The following ADGRD1 variants were observed in gnomAD, a reference collection of about 807,000 sequenced individuals.
The protein encoded by ADGRD1 is G-protein coupled receptor 133.
A neutral mutation model predicts 113.4 loss-of-function variants in ADGRD1; 77 were observed. The ratio of observed to expected loss-of-function variants is 0.68; its 90% CI spans 0.57 to 0.82. The LOEUF (loss-of-function observed/expected upper bound fraction) is 0.82, where lower values mean the gene tolerates loss of function less well. ADGRD1 is among the 40% of genes least tolerant of loss of function. ADGRD1 has a pLI of 0.00. For missense variants in ADGRD1, 1,036 were observed against 1,139.1 expected, an observed-to-expected ratio of 0.91 and a Z score of 1.30; for synonymous variants, 474 against 475.0, an observed-to-expected ratio of 1.00 and a Z score of 0.03.
rs1951234953 is a variant in ADGRD1 at position 131,141,121 on chromosome 12, C to G, written c.*1858C>G. The G allele has an allele frequency of 6.6e-6, 1 of 152,240 alleles. No individual in the cohort carries two copies. The highest frequency in any genetic ancestry group is 2.1e-4 in the South Asian group (1 of 4,830). The allele number at this position is 152,240 out of a possible 1,614,324, so 9.4% of individuals were successfully genotyped here. On this transcript the variant is annotated 3_prime_UTR_variant, in exon 25 of 25. Coordinates refer to ENST00000261654, the MANE Select transcript of ADGRD1 (RefSeq NM_198827.5). ...TACAATGTACACTTGGATATTTCTC[C>G]TTATTTAGTTTCTAGTGAAACAAAT...
intron 20 of ADGRD1, among the ~76,000 whole-genome samples, chr12:131,130,874 C>T (rs961412946): frequency 1.3e-5 from 2 of 152,326 alleles, no homozygotes; most frequent in African/African-American, 4.8e-5. Flanking sequence ...ACAGCAGCTG[C>T]CCTGTGAGGC....
Position 130,966,793 on chromosome 12 carries a change from T to TG in ADGRD1, c.187+247_187+248insG, listed in dbSNP as rs34366883. On this transcript the variant is annotated intron_variant, in intron 3 of 24. Transcript: ENST00000261654. The surrounding 1 kb of genome is among the most constrained non-coding windows in gnomAD (Gnocchi z 4.6). Reference sequence around the variant, plus strand: ...CTTCCCGTAATAGTTATTTCAAAGCTTTTTTTTTTGTAGAGATGGGGTCTT... The same window carrying TG: ...CTTCCCGTAATAGTTATTTCAAAGCTGTTTTTTTTTGTAGAGATGGGGTCTT... 4 of 296,774 alleles carry TG rather than the reference T, an allele frequency of 1.3e-5. No individual in the cohort carries two copies. In the African/African-American group the frequency reaches 1.9e-4, roughly 14 times the overall value. 18.4% of individuals were successfully genotyped at this position (296,774 alleles called of 1,614,324 possible).
At chr12:131,087,467 C>T (rs959656396) in intron 15 of ADGRD1, among the ~76,000 whole-genome samples, 4 of 152,190 alleles carry the variant, frequency 2.6e-5, no homozygotes, top group South Asian at 2.1e-4. Context: ...CAAGAAGGGC[C>T]GGCCACGAAG....
intron 14 of ADGRD1, among the ~76,000 whole-genome samples, chr12:131,082,993 C>T (rs536308395): frequency 3.3e-5 from 5 of 152,344 alleles, no homozygotes; most frequent in East Asian, 1.9e-4. Context: ...CCAGGGCTAA[C>T]GCAGGGTTAC....
chr12:131,076,888 A>G lies in ADGRD1; in HGVS notation c.1547+14A>G, dbSNP rs1396911830. The G allele has an allele frequency of 1.2e-6, 2 of 1,610,248 alleles. No homozygotes were observed. The highest frequency in any genetic ancestry group is 1.7e-6 in the Non-Finnish European group (2 of 1,176,478). On this transcript the variant is annotated intron_variant, in intron 14 of 24. Coordinates refer to ENST00000261654, the MANE Select transcript of ADGRD1 (RefSeq NM_198827.5). ...CCTGGACTTCAGGTACCCTCTGCACAGGGGAGAGCAGGTGGGCATGAGGTG... is the reference window on the plus strand; with the variant it reads ...CCTGGACTTCAGGTACCCTCTGCACGGGGGAGAGCAGGTGGGCATGAGGTG...
chr12:130,979,660 C>T (rs369306760), intron 4 of ADGRD1, among the ~76,000 whole-genome samples: 18 of 152,194 alleles, frequency 1.2e-4, no homozygotes, highest in Non-Finnish European at 7.3e-5. Flanking sequence ...CACCCACCGT[C>T]CCATCATGGG....
intron 18 of ADGRD1, among the ~76,000 whole-genome samples, chr12:131,112,890 C>T (rs945614249): frequency 2.0e-5 from 3 of 152,250 alleles, no homozygotes; most frequent in African/African-American, 7.2e-5. Context: ...GAGCCTGCCA[C>T]ACCCTGCATA....
intron 21 of ADGRD1, among the ~76,000 whole-genome samples, chr12:131,135,702 T>A (rs147572791): frequency 7.0e-6 from 1 of 142,362 alleles, no homozygotes; most frequent in Non-Finnish European, 1.6e-5. Context: ...ATCTCTCCCC[T>A]CCGTCCTGGT....
intron 12 of ADGRD1, among the ~76,000 whole-genome samples, chr12:131,011,518 C>T (rs1159124931): frequency 2.6e-5 from 4 of 152,226 alleles, no homozygotes; most frequent in South Asian, 4.1e-4. Context: ...CTGTGTCAGG[C>T]GTGGTTCCGG....
chr12:130,996,553 G>A (rs1195377632), intron 8 of ADGRD1, among the ~76,000 whole-genome samples: 3 of 124,186 alleles, frequency 2.4e-5, no homozygotes, highest in South Asian at 2.8e-4. Flanking sequence ...CCTCCCTCCC[G>A]GACGGGGCGG....
At chr12:131,082,812 G>A (rs1290011420) in intron 14 of ADGRD1, among the ~76,000 whole-genome samples, 1 of 152,098 alleles carries the variant, frequency 6.6e-6, no homozygotes, top group Non-Finnish European at 1.5e-5. Flanking sequence ...AGTGGCTCTC[G>A]CTTTGTCCTC....
At chr12:130,973,640 C>T (rs1486239992) in intron 4 of ADGRD1, among the ~76,000 whole-genome samples, 1 of 152,224 alleles carries the variant, frequency 6.6e-6, no homozygotes, top group Non-Finnish European at 1.5e-5. Flanking sequence ...TGTATTCACT[C>T]ATTTCATGCC....
At chr12:130,997,690 G>A (rs566006821) in intron 8 of ADGRD1, among the ~76,000 whole-genome samples, 11 of 152,026 alleles carry the variant, frequency 7.2e-5, no homozygotes, top group African/African-American at 2.7e-4. Context: ...CGGGATGGCG[G>A]CCGGGCAGAG....
intron 12 of ADGRD1, among the ~76,000 whole-genome samples, chr12:131,012,860 C>T (rs965215993): frequency 1.3e-5 from 2 of 152,132 alleles, no homozygotes; most frequent in African/African-American, 2.4e-5. Context: ...GCACAGGACC[C>T]GGGTGAGGCC....
intron 13 of ADGRD1, chr12:131,026,521 G>A (rs1482875462): frequency 6.6e-6 from 1 of 152,216 alleles, no homozygotes; most frequent in Non-Finnish European, 1.5e-5. Flanking sequence ...TGTCACCCCG[G>A]AACAGAGGAG....
chr12:131,068,599 A>G (rs576519677), intron 13 of ADGRD1, among the ~76,000 whole-genome samples: 3 of 152,348 alleles, frequency 2.0e-5, no homozygotes, highest in Middle Eastern at 3.4e-3. Flanking sequence ...GCGAAAAACC[A>G]CAGCATATCT....
intron 18 of ADGRD1, among the ~76,000 whole-genome samples, chr12:131,112,670 A>T (rs982641406): frequency 6.6e-6 from 1 of 152,226 alleles, no homozygotes; most frequent in African/African-American, 2.4e-5. Context: ...CCTAATGGGT[A>T]GCTTCTTTTC....
chr12:130,985,556 TTTG>T (rs1248107472), intron 5 of ADGRD1, among the ~76,000 whole-genome samples: 1 of 52,896 alleles, frequency 1.9e-5, no homozygotes, highest in Non-Finnish European at 6.1e-5. Context: ...AGATTTTTTT[TTTG>T]TTTTTTTTGA....
At chr12:131,093,323 T>C (rs1887038638) in intron 15 of ADGRD1, among the ~76,000 whole-genome samples, 1 of 152,056 alleles carries the variant, frequency 6.6e-6, no homozygotes, top group Non-Finnish European at 1.5e-5. Context: ...AACTGCAGGC[T>C]TTTCTGGGCA....
Sources: gnomAD v4.1 joint callset for allele counts (sites outside exome capture counted in the v4.1 genomes callset) on GRCh38, gnomAD v4.1.1 for gene constraint, Gnocchi (gnomAD v3.1) non-coding constraint, MANE v1.5 for transcripts, NCBI Gene and HGNC (gene_info 2026-07-23, HGNC 2026-07-21) for gene names.